The following FRMD3 variants were observed in gnomAD, a reference collection of about 807,000 sequenced individuals.
FRMD3 encodes FERM domain containing 3.
FRMD3 carries 33 observed loss-of-function variants against 70.2 expected under a neutral mutation model. That is an observed-to-expected ratio of 0.47 (90% CI 0.36 to 0.63). FRMD3 has a LOEUF of 0.63. Among genes scored for constraint, FRMD3 ranks in the 20% least tolerant of loss-of-function variants. The probability of loss-of-function intolerance (pLI) is 0.00; values close to 1 mark genes in which losing one functional copy is unlikely to be tolerated. For missense variants in FRMD3, 632 were observed against 711.4 expected (o/e 0.89, Z 1.27); for synonymous variants, 279 against 255.9 (o/e 1.09, Z -0.86).
At chr9:83,251,345 C>T (rs1379036815) in intron 13 of FRMD3, among the ~76,000 whole-genome samples, 4 of 152,266 alleles carry the variant, frequency 2.6e-5, no homozygotes, top group South Asian at 4.1e-4. Context: ...AAAGACCCCA[C>T]AAAAACTTCA....
At chr9:83,447,968 T>C (rs972573393) in intron 1 of FRMD3, among the ~76,000 whole-genome samples, 3 of 152,190 alleles carry the variant, frequency 2.0e-5, no homozygotes, top group African/African-American at 7.2e-5. Flanking sequence ...ACATAACAGG[T>C]GCTCCATAAA....
chr9:83,438,944 C>G (rs550559546), intron 1 of FRMD3, among the ~76,000 whole-genome samples: 1 of 152,162 alleles, frequency 6.6e-6, no homozygotes, highest in African/African-American at 2.4e-5. Flanking sequence ...GAAAGAAAAC[C>G]CTTCTGGAGG....
intron 5 of FRMD3, among the ~76,000 whole-genome samples, chr9:83,342,835 C>G (rs1823818723): frequency 6.6e-6 from 1 of 152,170 alleles, no homozygotes; most frequent in Non-Finnish European, 1.5e-5. Context: ...AGGCCTCTCA[C>G]CTAGCATTTG....
chr9:83,515,424 A>G (rs922492562), intron 1 of FRMD3, among the ~76,000 whole-genome samples: 1 of 152,234 alleles, frequency 6.6e-6, no homozygotes. Flanking sequence ...TTAGAGAAAA[A>G]AGAATGAAAA....
chr9:83,393,930 G>GTT (rs11427636), intron 1 of FRMD3, among the ~76,000 whole-genome samples: 10,550 of 136,288 alleles, frequency 0.077, 464 homozygotes, highest in East Asian at 0.13. Context: ...TTTTGATTTT[G>GTT]TTTTTTTTTG....
chr9:83,324,478 A>C (rs1321976214), intron 6 of FRMD3, among the ~76,000 whole-genome samples: 1 of 152,180 alleles, frequency 6.6e-6, no homozygotes, highest in Non-Finnish European at 1.5e-5. Flanking sequence ...TATTGTATAT[A>C]CTCTGAAAAT....
intron 1 of FRMD3, among the ~76,000 whole-genome samples, chr9:83,392,486 T>A (rs887363000): frequency 6.6e-6 from 1 of 152,092 alleles, no homozygotes; most frequent in Non-Finnish European, 1.5e-5. Context: ...CCCATATACC[T>A]CACATCAGAA....
chr9:83,378,255 T>C (rs1221529831), intron 2 of FRMD3, among the ~76,000 whole-genome samples: 2 of 113,624 alleles, frequency 1.8e-5, no homozygotes, highest in East Asian at 4.7e-4. Context: ...TGTGTCCTTC[T>C]TTTTTGTTTT....
intron 12 of FRMD3, among the ~76,000 whole-genome samples, chr9:83,291,538 T>G (rs1235421830): frequency 6.6e-6 from 1 of 152,108 alleles, no homozygotes; most frequent in Non-Finnish European, 1.5e-5. Flanking sequence ...CCTGGAAGCC[T>G]TCCCAGATTG....
intron 1 of FRMD3, among the ~76,000 whole-genome samples, chr9:83,479,785 GGGAAGGAAGGAAGGAA>G (rs1242768755): frequency 1.4e-4 from 6 of 42,572 alleles, no homozygotes; most frequent in Admixed American, 2.1e-4. Context: ...GAGGGAGGGA[GGGAAGGAAGGAAGGAA>G]GGAAGGAAGG....
At chr9:83,479,495 T>G (rs2131472824) in intron 1 of FRMD3, among the ~76,000 whole-genome samples, 1 of 140,216 alleles carries the variant, frequency 7.1e-6, no homozygotes, top group South Asian at 2.4e-4. Flanking sequence ...TCCATGGTGG[T>G]ACATGCCTGT....
At position 83,318,293 on chromosome 9, in the gene FRMD3, A is replaced by G. The variant is rs146662087; in HGVS notation, c.597-4546T>C. Among the ~76,000 whole-genome samples the G allele has an allele frequency of 7.5e-3, 1,135 of 152,140 alleles. 67 individuals are homozygous for G. Among genetic ancestry groups the G allele is most frequent in the Admixed American group, 0.068 (1,033 of 15,292 alleles). ...TTTCCAATGTCTATTACTCTCCTCT[A>G]TATGCCCATGCGTCTTCATTGTTTA... On this transcript the variant is annotated intron_variant, in intron 6 of 13. Transcript: ENST00000304195.
the FRMD3 span, among the ~76,000 whole-genome samples, chr9:83,548,387 C>T: frequency 6.6e-6 from 1 of 151,308 alleles, no homozygotes; most frequent in Non-Finnish European, 1.5e-5. Context: ...GGATAATACT[C>T]GATGATTAAA....
the FRMD3 span, among the ~76,000 whole-genome samples, chr9:83,561,039 C>T: frequency 6.6e-6 from 1 of 152,314 alleles, no homozygotes; most frequent in African/African-American, 2.4e-5. Flanking sequence ...AGTTAGGAAA[C>T]ACTTCCTTCT....
chr9:83,454,766 G>T (rs1330643168), intron 1 of FRMD3, among the ~76,000 whole-genome samples: 1 of 152,204 alleles, frequency 6.6e-6, no homozygotes, highest in African/African-American at 2.4e-5. Context: ...TCAGTAGCTT[G>T]CAGGGCTTTT....
At chr9:83,270,355 A>ACAG (rs1833493363) in intron 13 of FRMD3, among the ~76,000 whole-genome samples, 1 of 152,238 alleles carries the variant, frequency 6.6e-6, no homozygotes, top group East Asian at 1.9e-4. Context: ...ATGAGCCTGA[A>ACAG]TTCCATGGCT....
chr9:83,459,773 T>C (rs926888894), intron 1 of FRMD3, among the ~76,000 whole-genome samples: 2 of 152,234 alleles, frequency 1.3e-5, no homozygotes, highest in Non-Finnish European at 2.9e-5. Flanking sequence ...TAACAAAATA[T>C]GACAGACTGG....
At chr9:83,250,334 T>G (rs906131928) in intron 13 of FRMD3, among the ~76,000 whole-genome samples, 17 of 152,158 alleles carry the variant, frequency 1.1e-4, no homozygotes, top group Non-Finnish European at 2.1e-4. Flanking sequence ...ACCAGGGCCT[T>G]GGGTCTGATA....
intron 1 of FRMD3, among the ~76,000 whole-genome samples, chr9:83,524,514 G>A (rs1829645544): frequency 6.6e-6 from 1 of 152,190 alleles, no homozygotes. Flanking sequence ...CTACCCAGAG[G>A]TGTGATCTGT....
Sources: allele counts gnomAD v4.1 joint callset (sites outside exome capture counted in the v4.1 genomes callset), GRCh38; gene constraint gnomAD v4.1.1; transcripts MANE v1.5; gene names NCBI Gene and HGNC (gene_info 2026-07-23, HGNC 2026-07-21).